TRIM54: variants seen among roughly 807,000 people sequenced by gnomAD.
TRIM54 encodes tripartite motif-containing protein 54.
Under a neutral mutation model 42.0 loss-of-function variants are expected in TRIM54, and 40 were observed. That is an observed-to-expected ratio of 0.95 (90% CI 0.74 to 1.24). The LOEUF is 1.24. Among genes scored for constraint, TRIM54 ranks in the 50% most tolerant of loss-of-function variants. The pLI is 0.00. For synonymous variants in TRIM54, 199 were observed against 194.9 expected (o/e 1.02, Z -0.17); for missense variants, 485 against 480.3 (o/e 1.01, Z -0.09).
At chr2:27,285,882 T>G (rs1423921742) in intron 1 of TRIM54, among the ~76,000 whole-genome samples, 1 of 151,996 alleles carries the variant, frequency 6.6e-6, no homozygotes, top group Non-Finnish European at 1.5e-5. Flanking sequence ...AATTGTGATT[T>G]TATAAGACCA....
chr2:27,288,737 G>C (rs765743420), intron 1 of TRIM54, among the ~76,000 whole-genome samples: 13 of 152,126 alleles, frequency 8.5e-5, no homozygotes, highest in Admixed American at 3.3e-4. Context: ...TTACAGAAGA[G>C]AACATAGGAA....
chr2:27,294,735 A>G (rs1678815814), intron 1 of TRIM54, among the ~76,000 whole-genome samples: 1 of 151,452 alleles, frequency 6.6e-6, no homozygotes, highest in African/African-American at 2.4e-5. Flanking sequence ...CTAAAATACA[A>G]AAAAATTAGC....
In TRIM54 at chr2:27,305,829, G is replaced by A; in HGVS notation, c.843+12G>A. The stretch of plus-strand genomic sequence containing the variant: ...CGCTGTATCTCCAGGTGGGCTCTAG[G>A]GGAGGGTGGCAGCGCTGCACAGTGG... On this transcript the variant is annotated intron_variant, in intron 5 of 8. Transcript: ENST00000380075. The A allele has an allele frequency of 6.3e-7, 1 of 1,575,636 alleles. No individual in the cohort carries two copies. Among genetic ancestry groups the A allele is most frequent in the East Asian group, 2.3e-5 (1 of 42,714 alleles).
chr2:27,303,323 A>G (rs1285818262), intron 3 of TRIM54, among the ~76,000 whole-genome samples: 1 of 152,168 alleles, frequency 6.6e-6, no homozygotes, highest in Non-Finnish European at 1.5e-5. Context: ...TGGGAGGCCG[A>G]GGCGGGCGGA....
intron 1 of TRIM54, among the ~76,000 whole-genome samples, chr2:27,287,067 C>T (rs193246515): frequency 1.6e-4 from 25 of 152,280 alleles, no homozygotes; most frequent in Middle Eastern, 3.4e-3. Context: ...TTAGTGAGAA[C>T]GAAAACCTAG....
At chr2:27,287,182 T>C (rs970501976) in intron 1 of TRIM54, among the ~76,000 whole-genome samples, 9 of 152,162 alleles carry the variant, frequency 5.9e-5, no homozygotes, top group Non-Finnish European at 1.0e-4. Flanking sequence ...TTTACATAAC[T>C]ATAAATGAAA....
At chr2:27,293,193 C>T (rs1476189337) in intron 1 of TRIM54, among the ~76,000 whole-genome samples, 2 of 152,092 alleles carry the variant, frequency 1.3e-5, no homozygotes, top group Non-Finnish European at 2.9e-5. Context: ...CCCCTTTTAT[C>T]AGGGTACTTT....
chr2:27,292,128 A>G (rs547016568), intron 1 of TRIM54, among the ~76,000 whole-genome samples: 42 of 152,332 alleles, frequency 2.8e-4, no homozygotes, highest in Admixed American at 7.8e-4. Flanking sequence ...ATGAGCTGCT[A>G]AAGAAATTGC....
chr2:27,299,637 G>T lies in TRIM54; in HGVS notation c.513+221G>T, dbSNP rs1300726576. 5 of 884,074 alleles carry T rather than the reference G, an allele frequency of 5.7e-6. No individual in the cohort carries two copies. Among genetic ancestry groups the T allele is most frequent in the Admixed American group, 2.2e-5 (1 of 46,220 alleles). 54.8% of individuals were successfully genotyped at this position (884,074 alleles called of 1,614,324 possible). A position where few individuals can be genotyped will look rare whatever the true frequency, so the allele number is the denominator to read the frequency against. On this transcript the variant is annotated intron_variant, in intron 3 of 8. Coordinates refer to ENST00000380075, the MANE Select transcript of TRIM54 (RefSeq NM_187841.3). ...GTGATCCTCCCATCTTAGCCTCGCAGAACACTAAGATTATAGATGTGAGCC... is the reference window on the plus strand; with the variant it reads ...GTGATCCTCCCATCTTAGCCTCGCATAACACTAAGATTATAGATGTGAGCC...
At chr2:27,286,909 A>C (rs999850565) in intron 1 of TRIM54, among the ~76,000 whole-genome samples, 1 of 152,204 alleles carries the variant, frequency 6.6e-6, no homozygotes, top group Non-Finnish European at 1.5e-5. Context: ...CTCCTCAACC[A>C]CTTCTACCCA....
In TRIM54 at chr2:27,305,688, G is replaced by A; in HGVS notation, c.714G>A (p.Glu238=). The A allele has an allele frequency of 1.2e-6, 2 of 1,613,038 alleles. No individual in the cohort carries two copies. The highest frequency in any genetic ancestry group is 2.2e-5 in the East Asian group (1 of 44,854). The change falls in exon 5 of 9, where the codon GAG becomes GAA. Residue 238 remains glutamate (E), a synonymous_variant. Coordinates refer to ENST00000380075, the MANE Select transcript of TRIM54 (RefSeq NM_187841.3). ...KGELLQALAR[E]QEEKLQRVRG... ...AGCTGCTGCAGGCGCTGGCCCGGGA[G>A]CAAGAGGAGAAGCTGCAGCGCGTCC...
In TRIM54 at chr2:27,307,017, C is replaced by G. The variant is rs1679241922; in HGVS notation, c.*132C>G. On this transcript the variant is annotated 3_prime_UTR_variant, in exon 9 of 9. Transcript: ENST00000380075. This position sits in a 1 kb window ranked among gnomAD's most constrained non-coding sequence, Gnocchi z 6.9. ...AATAAAGAACTCGAGCGTCCCAGAC[C>G]CGTATCTCCTTTCGCTGCCCAACCC... 4.1e-6 allele frequency: 1 copy of G among 241,136 alleles called. No homozygotes were observed. The highest frequency in any genetic ancestry group is 8.1e-6 in the Non-Finnish European group (1 of 123,300). The allele number at this position is 241,136 out of a possible 1,614,324, so 14.9% of individuals were successfully genotyped here.
rs774868804 is a variant in TRIM54, at chr2:27,298,664, G to A, written c.266G>A (p.Arg89Lys). 1.2e-5 allele frequency: 20 copies of A among 1,614,112 alleles called. No homozygotes were observed. The African/African-American group carries it at 2.5e-4, about 20-fold the overall frequency. Residue 89 changes from arginine to lysine, a missense_variant, in exon 2 of 9, where the codon AGA becomes AAA. Arg to Lys is a conservative substitution (Grantham distance 26). Coordinates refer to ENST00000380075, the MANE Select transcript of TRIM54 (RefSeq NM_187841.3). ...TGCAGGCATGAGGTTGTCCTGGACA[G>A]ACACGGTGTCTACGGCCTGCAGCGA... The part of the protein sequence containing the change: ...PSCRHEVVLD[R>K]HGVYGLQRNL...
rs1315266409 is a variant in TRIM54, at chr2:27,306,508, G to C, written c.1044G>C (p.Ala348=). 1 of 1,571,732 alleles carries C rather than the reference G, an allele frequency of 6.4e-7. No individual in the cohort carries two copies. The highest frequency in any genetic ancestry group is 1.9e-5 in the Admixed American group (1 of 53,242). The change falls in exon 8 of 9, where the codon GCG becomes GCC. Residue 348 remains alanine, a synonymous_variant. Coordinates refer to ENST00000380075, the MANE Select transcript of TRIM54 (RefSeq NM_187841.3). The surrounding 1 kb of genome is among the most constrained non-coding windows in gnomAD (Gnocchi z 6.1). ...EVAPDGEEGS[A]GPEEERPDGP is the part of the protein sequence containing the mutation. Reference sequence around the variant, plus strand: ...CCCCAGACGGAGAGGAGGGCAGCGCGGGGCCGGAGGAAGAGCGGCCGGATG... The same window carrying C: ...CCCCAGACGGAGAGGAGGGCAGCGCCGGGCCGGAGGAAGAGCGGCCGGATG...
At chr2:27,294,889 CAAAAAAAAAAAAA>C (rs57097129) in intron 1 of TRIM54, among the ~76,000 whole-genome samples, 2 of 52,826 alleles carry the variant, frequency 3.8e-5, no homozygotes, top group African/African-American at 1.4e-4. Flanking sequence ...GACTCCATCT[CAAAAAAAAAAAAA>C]AAAAAAAAGA....
chr2:27,306,558 T>C lies in TRIM54; in HGVS notation c.*1+16T>C. The stretch of plus-strand genomic sequence containing the variant: ...GGGCCTTAAGGTGAGAGCCGCCCGA[T>C]GGGCCTTAAGGTGAGAGCGGCCTGA... On this transcript the variant is annotated intron_variant, in intron 8 of 8. Transcript: ENST00000380075. The surrounding 1 kb of genome is among the most constrained non-coding windows in gnomAD (Gnocchi z 6.1). 2 of 1,532,026 alleles carry C rather than the reference T, an allele frequency of 1.3e-6. No homozygotes were observed. The highest frequency in any genetic ancestry group is 1.8e-6 in the Non-Finnish European group (2 of 1,138,778). The allele number at this position is 1,532,026 out of a possible 1,614,324, so 94.9% of individuals were successfully genotyped here. A position where few individuals can be genotyped will look rare whatever the true frequency, so the allele number is the denominator to read the frequency against.
chr2:27,306,352 C>T lies in TRIM54; in HGVS notation c.991+15C>T, dbSNP rs111523540. On this transcript the variant is annotated intron_variant, in intron 7 of 8. Coordinates refer to ENST00000380075, the MANE Select transcript of TRIM54 (RefSeq NM_187841.3). The surrounding 1 kb of genome is among the most constrained non-coding windows in gnomAD (Gnocchi z 6.1). ...CTTCCAGCCAGGTGAAGGAGGTGGC[C>T]GAGGGCCGCTGAGACGGGTTCGGAC... 108 of 1,613,942 alleles carry T rather than the reference C, an allele frequency of 6.7e-5. 2 individuals carry two copies. The African/African-American group carries it at 8.3e-4, about 12-fold the overall frequency.
At chr2:27,299,659 A>G (rs1678972656) in intron 3 of TRIM54, 1 of 708,314 alleles carries the variant, frequency 1.4e-6, no homozygotes, top group Admixed American at 2.4e-5. Context: ...TATAGATGTG[A>G]GCCACCGCAC....
Position 27,299,603 on chromosome 2 carries a change from C to T in TRIM54, c.513+187C>T, listed in dbSNP as rs1029848838. On this transcript the variant is annotated intron_variant, in intron 3 of 8. Coordinates refer to ENST00000380075, the MANE Select transcript of TRIM54 (RefSeq NM_187841.3). ...ACAACTTACTGCAGCCTTGATCTCC[C>T]GAGCTCAAGTGATCCTCCCATCTTA... The T allele has an allele frequency of 1.0e-5, 13 of 1,292,658 alleles. 1 individual carries two copies. In the East Asian group the frequency reaches 1.3e-4, roughly 12 times the overall value. The allele number at this position is 1,292,658 out of a possible 1,614,324, so 80.1% of individuals were successfully genotyped here. A position where few individuals can be genotyped will look rare whatever the true frequency, so the allele number is the denominator to read the frequency against.
Sources: gnomAD v4.1 joint callset for allele counts (sites outside exome capture counted in the v4.1 genomes callset) on GRCh38, gnomAD v4.1.1 for gene constraint, Gnocchi (gnomAD v3.1) non-coding constraint, MANE v1.5 for transcripts, NCBI Gene and HGNC (gene_info 2026-07-23, HGNC 2026-07-21) for gene names.